Variants in ZC3H15 observed in about 807,000 individuals in gnomAD.
ZC3H15 encodes zinc finger CCCH-type containing 15.
A neutral mutation model predicts 51.2 loss-of-function variants in ZC3H15; 15 were observed. The ratio of observed to expected loss-of-function variants is 0.29; its 90% CI spans 0.20 to 0.45. The LOEUF (loss-of-function observed/expected upper bound fraction) is 0.45, where lower values mean the gene tolerates loss of function less well. Among genes scored for constraint, ZC3H15 ranks in the 20% least tolerant of loss-of-function variants. The pLI is 1.00. For synonymous variants in ZC3H15, 144 were observed against 162.8 expected (o/e 0.88, Z 0.88); for missense variants, 381 against 494.7 (o/e 0.77, Z 2.18).
At chr2:186,486,543 C>T in intron 1 of ZC3H15, 86 bp downstream of exon 1, 1 of 1,416,062 alleles carries the variant, frequency 7.1e-7, no homozygotes, top group South Asian at 1.4e-5. Context: ...AGCCGGCTCG[C>T]TTCCTCGGGC....
intron 2 of ZC3H15, among the ~76,000 whole-genome samples, chr2:186,497,312 T>G (rs1685298196): frequency 6.6e-6 from 1 of 152,218 alleles, no homozygotes; most frequent in African/African-American, 2.4e-5. Flanking sequence ...GACCCAACAC[T>G]TTCCTTTCAC....
chr2:186,506,583 C>A, intron 8 of ZC3H15, 130 bp from the exon 9 acceptor site: 1 of 1,051,988 alleles, frequency 9.5e-7, no homozygotes, highest in Non-Finnish European at 1.3e-6. Context: ...TGAGCCTCCA[C>A]ACCTGGCCAG....
At position 186,504,019 on chromosome 2, in the gene ZC3H15, A is replaced by G. The variant is rs761220376; in HGVS notation, c.535-13A>G. The G allele has an allele frequency of 6.5e-7, 1 of 1,543,446 alleles. No individual in the cohort carries two copies. Among genetic ancestry groups the G allele is most frequent in the Admixed American group, 2.1e-5 (1 of 47,544 alleles). ...CACTGAGCCACCGCTTGTGAATAAT[A>G]TTGTCTCTATAGGTGTGCAAGCATT... On this transcript the variant is annotated splice_polypyrimidine_tract_variant and intron_variant, in intron 5 of 9. Transcript: ENST00000337859.
At chr2:186,496,254 G>A (rs1280497954) in intron 2 of ZC3H15, among the ~76,000 whole-genome samples, 1 of 152,154 alleles carries the variant, frequency 6.6e-6, no homozygotes, top group Non-Finnish European at 1.5e-5. Context: ...TTCTCACTCT[G>A]TTGCCCAGGC....
In ZC3H15 at chr2:186,505,839, G is replaced by A. The variant is rs1574427791; in HGVS notation, c.964G>A (p.Glu322Lys). The change falls in exon 8 of 10, where the codon GAG (glutamate) becomes AAG (lysine). Residue 322 changes from glutamate to lysine, a missense_variant and splice_region_variant. This residue lies in a region of ZC3H15 where 215 missense variants were observed against 241.8 expected (regional missense o/e 0.89). Transcript: ENST00000337859. Reference protein sequence around the residue: ...TRYTQGTGGDEVDDSVSVNDI... With the variant: ...TRYTQGTGGDKVDDSVSVNDI... ...CTACACCCAGGGAACAGGTGGTGATGAGGTAAGAGGAAGCTTTGTGCCTCA... is the reference window on the plus strand; with the variant it reads ...CTACACCCAGGGAACAGGTGGTGATAAGGTAAGAGGAAGCTTTGTGCCTCA... The A allele has an allele frequency of 6.2e-7, 1 of 1,613,634 alleles. No individual in the cohort carries two copies. Among genetic ancestry groups the A allele is most frequent in the South Asian group, 1.1e-5 (1 of 90,924 alleles).
chr2:186,495,139 A>G (rs1197480887), intron 1 of ZC3H15, 94 bp from the exon 2 acceptor site: 2 of 711,744 alleles, frequency 2.8e-6, no homozygotes, highest in African/African-American at 3.8e-5. Context: ...AGTAAAGAAT[A>G]ATTATCAATA....
intron 5 of ZC3H15, among the ~76,000 whole-genome samples, chr2:186,503,734 C>T (rs1685424449): frequency 6.6e-6 from 1 of 152,160 alleles, no homozygotes; most frequent in Non-Finnish European, 1.5e-5. Context: ...CGTACATTTA[C>T]AAAGGGTAAC....
intron 3 of ZC3H15, chr2:186,500,520 CA>C (rs1272609750): frequency 1.6e-6 from 1 of 640,830 alleles, no homozygotes; most frequent in Non-Finnish European, 2.9e-6. Flanking sequence ...ACACTTAAGG[CA>C]AAATTAGTAA....
At chr2:186,502,445 G>C in intron 4 of ZC3H15, 51 bp from the exon 5 acceptor site, 1 of 1,428,158 alleles carries the variant, frequency 7.0e-7, no homozygotes, top group South Asian at 1.2e-5. Flanking sequence ...GATATGTGTT[G>C]TGGGAGTAGT....
chr2:186,499,700 ATGTTTTGTTTTGAAT>A, intron 2 of ZC3H15: 1 of 403,874 alleles, frequency 2.5e-6, no homozygotes. Context: ...GTTATATGTC[ATGTTTTGTTTTGAAT>A]TGTTTTGTTT....
rs888350558 is a variant in ZC3H15 at position 186,487,162 on chromosome 2, CTATGTGTGTGTATATGTGTATA to C, written c.75+721_75+742del. 4 of 152,106 alleles carry C rather than the reference CTATGTGTGTGTATATGTGTATA, an allele frequency of 2.6e-5. No homozygotes were observed. In the East Asian group the frequency reaches 5.8e-4, roughly 22 times the overall value. The allele number at this position is 152,106 out of a possible 1,614,324, so 9.4% of individuals were successfully genotyped here. On this transcript the variant is annotated intron_variant, in intron 1 of 9. Coordinates refer to ENST00000337859, the MANE Select transcript of ZC3H15 (RefSeq NM_018471.3). ...TGTGCGCGTGTATATATGTATACAT[CTATGTGTGTGTATATGTGTATA>C]TATGTGTGTGTATATATATTCGTTT...
chr2:186,493,155 G>A (rs894424977), intron 1 of ZC3H15, among the ~76,000 whole-genome samples: 9 of 151,900 alleles, frequency 5.9e-5, no homozygotes, highest in Non-Finnish European at 1.0e-4. Context: ...GAAGCACTAG[G>A]TAATACAGAA....
chr2:186,491,507 G>GTCCT (rs1293421098), intron 1 of ZC3H15, among the ~76,000 whole-genome samples: 2 of 152,156 alleles, frequency 1.3e-5, no homozygotes, highest in Non-Finnish European at 2.9e-5. Flanking sequence ...TGCCTCTAGA[G>GTCCT]TCCTTGCTGT....
At chr2:186,504,307 A>G in intron 6 of ZC3H15, 93 bp downstream of exon 6, 4 of 1,136,820 alleles carry the variant, frequency 3.5e-6, no homozygotes, top group Non-Finnish European at 4.7e-6. Flanking sequence ...CCTTTTATGA[A>G]AGGAAAAAAA....
chr2:186,507,870 A>T (rs893010217), intron 9 of ZC3H15, among the ~76,000 whole-genome samples: 1 of 152,200 alleles, frequency 6.6e-6, no homozygotes, highest in Admixed American at 6.5e-5. Context: ...CACAACTGCA[A>T]ATAATTCAGA....
intron 4 of ZC3H15, 127 bp downstream of exon 4, chr2:186,501,552 T>C (rs1685385237): frequency 2.6e-6 from 2 of 767,058 alleles, no homozygotes; most frequent in African/African-American, 1.7e-5. Flanking sequence ...ATTAATTGGG[T>C]TTATTATTTT....
chr2:186,491,478 G>A (rs184862232), intron 1 of ZC3H15, among the ~76,000 whole-genome samples: 70 of 152,288 alleles, frequency 4.6e-4, no homozygotes, highest in African/African-American at 1.7e-3. Flanking sequence ...CTGTGCCAGG[G>A]ATTCTAACAC....
chr2:186,501,312 A>G lies in ZC3H15; in HGVS notation c.329A>G (p.Gln110Arg). ...TCTGTAGTATGTGCATTCTTCAAGCAAGGACAGTGTACTAAAGGAGATAAG... is the reference window on the plus strand; with the variant it reads ...TCTGTAGTATGTGCATTCTTCAAGCGAGGACAGTGTACTAAAGGAGATAAG... Reference protein sequence around the residue: ...PKSVVCAFFKQGQCTKGDKCK... With the variant: ...PKSVVCAFFKRGQCTKGDKCK... The change falls in exon 4 of 10, where the codon CAA (glutamine) becomes CGA (arginine). Residue 110 changes from glutamine (Q) to arginine (R), a missense_variant. By Grantham distance (43) the Gln-to-Arg change is conservative. This residue lies in a region of ZC3H15 where 125 missense variants were observed against 166.3 expected (regional missense o/e 0.75). Transcript: ENST00000337859. The G allele has an allele frequency of 1.2e-6, 2 of 1,613,008 alleles. No homozygotes were observed. Among genetic ancestry groups the G allele is most frequent in the South Asian group, 2.2e-5 (2 of 90,894 alleles).
At chr2:186,499,223 A>AT (rs559722197) in intron 2 of ZC3H15, among the ~76,000 whole-genome samples, 2 of 152,060 alleles carry the variant, frequency 1.3e-5, no homozygotes, top group South Asian at 4.1e-4. Flanking sequence ...TTATTCTTGG[A>AT]TTCCCAATCC....
Sources: gnomAD v4.1 joint callset for allele counts (sites outside exome capture counted in the v4.1 genomes callset) on GRCh38, gnomAD v4.1.1 for gene constraint, gnomAD v4.1.1 regional missense constraint, MANE v1.5 for transcripts, NCBI Gene and HGNC (gene_info 2026-07-23, HGNC 2026-07-21) for gene names.